OSGIN2: variants seen among roughly 807,000 people sequenced by gnomAD.
OSGIN2 encodes oxidative stress induced growth inhibitor family member 2, also known as oxidative stress-induced growth inhibitor 2.
Under a neutral mutation model 53.8 loss-of-function variants are expected in OSGIN2, and 19 were observed. The ratio of observed to expected loss-of-function variants is 0.35; its 90% CI spans 0.25 to 0.52. OSGIN2 has a LOEUF of 0.52. Among genes scored for constraint, OSGIN2 ranks in the 20% least tolerant of loss-of-function variants. The pLI, the probability that OSGIN2 is intolerant of heterozygous loss-of-function variation, is 0.95. For synonymous variants in OSGIN2, 236 were observed against 236.0 expected (o/e 1.00, Z 0.00); for missense variants, 520 against 662.7 (o/e 0.78, Z 2.36).
At chr8:89,913,115 C>T (rs980122956) in intron 2 of OSGIN2, among the ~76,000 whole-genome samples, 3 of 152,136 alleles carry the variant, frequency 2.0e-5, no homozygotes, top group Admixed American at 6.5e-5. Flanking sequence ...CCTCTGGCTG[C>T]GTGACTCTTC....
chr8:89,921,441 C>T (rs1809202125), intron 5 of OSGIN2: 3 of 308,836 alleles, frequency 9.7e-6, no homozygotes, highest in South Asian at 7.9e-5. Context: ...ACATCACTCT[C>T]TGTTTAGTTA....
intron 2 of OSGIN2, among the ~76,000 whole-genome samples, chr8:89,913,667 A>G (rs577452040): frequency 1.3e-5 from 2 of 152,332 alleles, no homozygotes; most frequent in South Asian, 4.1e-4. Context: ...GAAGTTTGCT[A>G]GTACCATACT....
chr8:89,921,512 TTATC>T (rs1275833679), intron 5 of OSGIN2, among the ~76,000 whole-genome samples: 4 of 152,324 alleles, frequency 2.6e-5, no homozygotes, highest in African/African-American at 4.8e-5. Flanking sequence ...ATATATAACT[TTATC>T]TATGCATATC....
intron 5 of OSGIN2, among the ~76,000 whole-genome samples, chr8:89,922,610 A>C (rs765795401): frequency 1.1e-4 from 17 of 152,184 alleles, no homozygotes; most frequent in Non-Finnish European, 2.4e-4. Flanking sequence ...TTAGGTCTCT[A>C]GAGATTGGTG....
In OSGIN2 at chr8:89,916,420, G is replaced by A. The variant is rs147374959; in HGVS notation, c.528+1674G>A. ...TATTTCAGCTGTGTACCAGTTGCCA[G>A]TCATCACCTCTGTGAAGGTTCCTAA... On this transcript the variant is annotated intron_variant, in intron 4 of 5. Transcript: ENST00000451899. Among the ~76,000 whole-genome samples, 407 of 152,274 alleles carry A rather than the reference G, an allele frequency of 2.7e-3. 2 individuals are homozygous for A. Among genetic ancestry groups the A allele is most frequent in the African/African-American group, 9.5e-3 (396 of 41,558 alleles).
In OSGIN2 at chr8:89,925,122, A is replaced by C. The variant is rs765590842; in HGVS notation, c.1240A>C (p.Asn414His). The change falls in exon 6 of 6, where the codon AAT becomes CAT. Residue 414 changes from asparagine to histidine, a missense_variant. Physicochemically the swap from Asn to His is moderately conservative, Grantham distance 68 (BLOSUM62 1). Transcript: ENST00000451899. The stretch of plus-strand genomic sequence containing the variant: ...TACTCAGTCATATTCTGTAGACTCA[A>C]ATCTTTTATCTGATTATACCAGCTT... ...MCTQSYSVDS[N>H]LLSDYTSFPE... 3.1e-6 allele frequency: 5 copies of C among 1,613,942 alleles called. No homozygotes were observed. In the African/African-American group the frequency reaches 5.3e-5, roughly 17 times the overall value.
intron 5 of OSGIN2, among the ~76,000 whole-genome samples, chr8:89,923,222 TGTG>T (rs1320348334): frequency 6.6e-6 from 1 of 152,206 alleles, no homozygotes; most frequent in Non-Finnish European, 1.5e-5. Context: ...TTAAGATGGC[TGTG>T]ATGTCACTAA....
At chr8:89,916,881 G>GT in intron 4 of OSGIN2, among the ~76,000 whole-genome samples, 1 of 152,228 alleles carries the variant, frequency 6.6e-6, no homozygotes, top group South Asian at 2.1e-4. Flanking sequence ...GTCCCATCAG[G>GT]TTGGCTAGTA....
chr8:89,917,036 TC>T (rs1337770661), intron 4 of OSGIN2, among the ~76,000 whole-genome samples: 1 of 152,200 alleles, frequency 6.6e-6, no homozygotes, highest in Non-Finnish European at 1.5e-5. Context: ...TTCCAGACTG[TC>T]TCCAGTTACT....
rs772867657 is a variant in OSGIN2, at chr8:89,925,576, A to AT, written c.*49dup. On this transcript the variant is annotated 3_prime_UTR_variant, in exon 6 of 6. Transcript: ENST00000451899. ...TAAAATGGACAGTTTGCCATTAAAG[A>AT]TTTTTAATAGTGGTTTTGCAGTGTA... 10 of 1,499,716 alleles carry AT rather than the reference A, an allele frequency of 6.7e-6. No individual in the cohort carries two copies. Among genetic ancestry groups the AT allele is most frequent in the Non-Finnish European group, 7.3e-6 (8 of 1,097,502 alleles). The allele number at this position is 1,499,716 out of a possible 1,614,324, so 92.9% of individuals were successfully genotyped here. A position where few individuals can be genotyped will look rare whatever the true frequency, so the allele number is the denominator to read the frequency against.
chr8:89,914,448 G>C, intron 3 of OSGIN2, 107 bp from the exon 4 acceptor site: 8 of 827,080 alleles, frequency 9.7e-6, no homozygotes, highest in Non-Finnish European at 1.5e-5. Flanking sequence ...CTGTGGTCAA[G>C]TTGGGGGTAC....
Position 89,924,872 on chromosome 8 carries a change from T to G in OSGIN2, c.990T>G (p.Pro330=), listed in dbSNP as rs915990082. 1 of 1,614,090 alleles carries G rather than the reference T, an allele frequency of 6.2e-7. No individual in the cohort carries two copies. Among genetic ancestry groups the G allele is most frequent in the African/African-American group, 1.3e-5 (1 of 74,946 alleles). The change falls in exon 6 of 6, where the codon CCT becomes CCG. Residue 330 remains proline, a synonymous_variant. Coordinates refer to ENST00000451899, the MANE Select transcript of OSGIN2 (RefSeq NM_001126111.3). ...EDFPFVFHSM[P]EFGAAINKGK... ...TTCCTTTTGTGTTTCATTCAATGCCTGAATTTGGAGCTGCTATAAACAAAG... is the reference window on the plus strand; with the variant it reads ...TTCCTTTTGTGTTTCATTCAATGCCGGAATTTGGAGCTGCTATAAACAAAG...
chr8:89,915,503 T>C (rs954830253), intron 4 of OSGIN2, among the ~76,000 whole-genome samples: 2 of 152,146 alleles, frequency 1.3e-5, no homozygotes, highest in Non-Finnish European at 2.9e-5. Flanking sequence ...ATAGCAGAGG[T>C]TAAACCAGAG....
chr8:89,902,016 CACCTGTGGT>C (rs1808726528), upstream of OSGIN2: 1 of 152,388 alleles, frequency 6.6e-6, no homozygotes, highest in Middle Eastern at 3.1e-3. Context: ...GGGTCCCGGG[CACCTGTGGT>C]TTGGTGAGTC....
chr8:89,903,098 G>C (rs1808761953), intron 1 of OSGIN2, among the ~76,000 whole-genome samples: 1 of 152,230 alleles, frequency 6.6e-6, no homozygotes. Flanking sequence ...AGGCCGGACT[G>C]AGTCGGTTAC....
At chr8:89,921,378 C>T (rs1214679588) in intron 5 of OSGIN2, 2 of 427,614 alleles carry the variant, frequency 4.7e-6, no homozygotes, top group African/African-American at 4.0e-5. Context: ...GGGATTATTG[C>T]AGATTGGTTT....
At chr8:89,917,857 C>T (rs1362257996) in intron 4 of OSGIN2, among the ~76,000 whole-genome samples, 1 of 152,108 alleles carries the variant, frequency 6.6e-6, no homozygotes, top group Non-Finnish European at 1.5e-5. Context: ...TCCCTGTCTT[C>T]CCAAGAACAT....
chr8:89,915,708 T>C (rs1045816510), intron 4 of OSGIN2, among the ~76,000 whole-genome samples: 2 of 152,238 alleles, frequency 1.3e-5, no homozygotes, highest in Non-Finnish European at 2.9e-5. Context: ...CTTTAACATA[T>C]TACATACCAA....
intron 4 of OSGIN2, among the ~76,000 whole-genome samples, chr8:89,915,230 C>T (rs1809053483): frequency 6.6e-6 from 1 of 152,160 alleles, no homozygotes; most frequent in Non-Finnish European, 1.5e-5. Flanking sequence ...GGCTGGAAGT[C>T]CCAAGATGAA....
Sources: allele counts gnomAD v4.1 joint callset (sites outside exome capture counted in the v4.1 genomes callset), GRCh38; gene constraint gnomAD v4.1.1; transcripts MANE v1.5; gene names NCBI Gene and HGNC (gene_info 2026-07-23, HGNC 2026-07-21).